The following ANKRD6 variants were observed in gnomAD, a reference collection of about 807,000 sequenced individuals.
ANKRD6 encodes ankyrin repeat domain-containing protein 6.
ANKRD6 carries 56 observed loss-of-function variants against 82.3 expected under a neutral mutation model. That is an observed-to-expected ratio of 0.68 (90% CI 0.55 to 0.85). ANKRD6 has a LOEUF of 0.85. Ranked by LOEUF, ANKRD6 falls within the 40% of genes least tolerant of loss-of-function variation. The pLI, the probability that ANKRD6 is intolerant of heterozygous loss-of-function variation, is 0.00. For missense variants in ANKRD6, 852 were observed against 907.6 expected (o/e 0.94, Z 0.79); for synonymous variants, 347 against 352.1 (o/e 0.99, Z 0.16).
chr6:89,466,537 C>G (rs1774870092), intron 1 of ANKRD6, among the ~76,000 whole-genome samples: 1 of 152,022 alleles, frequency 6.6e-6, no homozygotes, highest in African/African-American at 2.4e-5. Flanking sequence ...TCATTTTATT[C>G]TTCTTTGATT....
Position 89,605,951 on chromosome 6 carries a change from A to C in ANKRD6, c.319-56A>C, listed in dbSNP as rs1042404141. 3.1e-6 allele frequency: 4 copies of C among 1,308,676 alleles called. No individual in the cohort carries two copies. In the African/African-American group the frequency reaches 5.8e-5, roughly 19 times the overall value. 81.1% of individuals were successfully genotyped at this position (1,308,676 alleles called of 1,614,324 possible). A position where few individuals can be genotyped will look rare whatever the true frequency, so the allele number is the denominator to read the frequency against. ...AATCCACTGTGATGTATTGATCATAATGAGAAGAATTAGGTCTTGGGTAAT... is the reference window on the plus strand; with the variant it reads ...AATCCACTGTGATGTATTGATCATACTGAGAAGAATTAGGTCTTGGGTAAT... On this transcript the variant is annotated intron_variant, in intron 4 of 15. Coordinates refer to ENST00000339746, the MANE Select transcript of ANKRD6 (RefSeq NM_001242809.2).
At chr6:89,582,836 C>A (rs1792871641) in intron 2 of ANKRD6, among the ~76,000 whole-genome samples, 1 of 152,192 alleles carries the variant, frequency 6.6e-6, no homozygotes, top group African/African-American at 2.4e-5. Flanking sequence ...GCACTTACCT[C>A]AAGGATATGT....
chr6:89,492,480 T>C (rs944739280), intron 1 of ANKRD6, among the ~76,000 whole-genome samples: 1 of 152,190 alleles, frequency 6.6e-6, no homozygotes, highest in African/African-American at 2.4e-5. Context: ...GGGAGAGTAA[T>C]GCTCCCTGAT....
rs775897746 is a variant in ANKRD6 at position 89,606,074 on chromosome 6, A to C, written c.386A>C (p.Lys129Thr). ...AGCCAGTCAGCCAAGCTGCTCATTAAAGCAGGAGCCAACGTGCTTGCCAAG... is the reference window on the plus strand; with the variant it reads ...AGCCAGTCAGCCAAGCTGCTCATTACAGCAGGAGCCAACGTGCTTGCCAAG... Reference protein sequence around the residue: ...GFSQSAKLLIKAGANVLAKNK... With the variant: ...GFSQSAKLLITAGANVLAKNK... Residue 129 changes from lysine to threonine, a missense_variant, in exon 5 of 16, where the codon AAA becomes ACA. Transcript: ENST00000339746. The C allele has an allele frequency of 6.3e-7, 1 of 1,584,264 alleles. No homozygotes were observed. The highest frequency in any genetic ancestry group is 1.2e-5 in the South Asian group (1 of 85,854).
chr6:89,608,378 A>ACACACACACACACAC (rs1799366440), intron 5 of ANKRD6, among the ~76,000 whole-genome samples: 2 of 103,102 alleles, frequency 1.9e-5, no homozygotes, highest in Non-Finnish European at 4.0e-5. Flanking sequence ...CTATATATAT[A>ACACACACACACACAC]TATATATGTA....
intron 1 of ANKRD6, among the ~76,000 whole-genome samples, chr6:89,444,983 A>G (rs913328439): frequency 2.1e-4 from 32 of 152,080 alleles, no homozygotes; most frequent in African/African-American, 7.2e-4. Context: ...AAAAAAATCT[A>G]TGTAAGACTA....
intron 14 of ANKRD6, 197 bp from the exon 15 acceptor site, chr6:89,628,915 A>T: frequency 1.7e-6 from 1 of 592,668 alleles, no homozygotes. Flanking sequence ...TGGGGATCAA[A>T]TTTCAACATG....
rs372091932 is a variant in ANKRD6 at position 89,455,632 on chromosome 6, G to A, written c.-144+22257G>A. 5.0e-4 allele frequency among the ~76,000 whole-genome samples: 76 copies of A among 152,190 alleles called. No individual in the cohort carries two copies. The South Asian group carries it at 0.01, about 20-fold the overall frequency. ...TCCTCTTGGTGCTGTTTTCATGATA[G>A]TGAATGAGTTATCACAAGATCTTGT... On this transcript the variant is annotated intron_variant, in intron 1 of 15. Transcript: ENST00000339746.
rs949381449 is a variant in ANKRD6, at chr6:89,633,820, A to C, written c.*2816A>C. 5.9e-5 allele frequency: 9 copies of C among 152,250 alleles called. No individual in the cohort carries two copies. Among genetic ancestry groups the C allele is most frequent in the Admixed American group, 4.6e-4 (7 of 15,290 alleles). 9.4% of individuals were successfully genotyped at this position (152,250 alleles called of 1,614,324 possible). On this transcript the variant is annotated 3_prime_UTR_variant, in exon 16 of 16. Coordinates refer to ENST00000339746, the MANE Select transcript of ANKRD6 (RefSeq NM_001242809.2). ...TGGATCTTAAATTCCTTATTAAAAAAATGCAAGTGTGAATACTTTGTTTAG... is the reference window on the plus strand; with the variant it reads ...TGGATCTTAAATTCCTTATTAAAAACATGCAAGTGTGAATACTTTGTTTAG...
intron 4 of ANKRD6, among the ~76,000 whole-genome samples, chr6:89,605,378 T>C (rs1242026006): frequency 6.6e-6 from 1 of 152,226 alleles, no homozygotes; most frequent in Non-Finnish European, 1.5e-5. Flanking sequence ...CAAGACTGTC[T>C]CAAAAAATAA....
intron 2 of ANKRD6, among the ~76,000 whole-genome samples, chr6:89,586,113 A>G (rs1256523756): frequency 6.6e-6 from 1 of 152,214 alleles, no homozygotes; most frequent in Non-Finnish European, 1.5e-5. Flanking sequence ...GATTTTTAAA[A>G]TTCTTTATAA....
At chr6:89,512,292 A>C (rs567203039) in intron 1 of ANKRD6, among the ~76,000 whole-genome samples, 1 of 152,322 alleles carries the variant, frequency 6.6e-6, no homozygotes, top group South Asian at 2.1e-4. Context: ...AACGCCAGTC[A>C]ATGCTATATT....
intron 7 of ANKRD6, among the ~76,000 whole-genome samples, chr6:89,614,505 G>T (rs1278045827): frequency 6.6e-6 from 1 of 152,086 alleles, no homozygotes; most frequent in Non-Finnish European, 1.5e-5. Flanking sequence ...AATTAGCCAG[G>T]CGTGGTGGCG....
chr6:89,629,324 T>C (rs747980511), intron 15 of ANKRD6, 86 bp downstream of exon 15: 3 of 1,569,918 alleles, frequency 1.9e-6, no homozygotes. Context: ...GCAGTACGTA[T>C]GCTAGGGCTG....
intron 2 of ANKRD6, among the ~76,000 whole-genome samples, chr6:89,575,316 T>C: frequency 6.6e-6 from 1 of 152,182 alleles, no homozygotes; most frequent in East Asian, 1.9e-4. Context: ...AGAGGGATTC[T>C]AGTTTCTATG....
At chr6:89,550,198 C>A (rs1475979230) in intron 1 of ANKRD6, among the ~76,000 whole-genome samples, 2 of 152,020 alleles carry the variant, frequency 1.3e-5, no homozygotes, top group African/African-American at 2.4e-5. Context: ...ATATATGTGT[C>A]TGTATATTCA....
intron 1 of ANKRD6, among the ~76,000 whole-genome samples, chr6:89,501,208 GATTA>G (rs1184451132): frequency 2.0e-5 from 3 of 152,136 alleles, no homozygotes; most frequent in Admixed American, 2.0e-4. Flanking sequence ...AAGACTTAAC[GATTA>G]ATTGTTTTCC....
intron 1 of ANKRD6, among the ~76,000 whole-genome samples, chr6:89,513,320 CCACCCA>C (rs1306127852): frequency 2.0e-5 from 3 of 152,172 alleles, no homozygotes; most frequent in African/African-American, 7.2e-5. Flanking sequence ...CACGTAACTA[CCACCCA>C]AATCAGGAAA....
intron 1 of ANKRD6, among the ~76,000 whole-genome samples, chr6:89,537,981 A>G (rs1784052837): frequency 6.6e-6 from 1 of 152,110 alleles, no homozygotes; most frequent in Non-Finnish European, 1.5e-5. Context: ...GGCAAATCCC[A>G]GACAGCATGT....
Sources: gnomAD v4.1 joint callset for allele counts (sites outside exome capture counted in the v4.1 genomes callset) on GRCh38, gnomAD v4.1.1 for gene constraint, MANE v1.5 for transcripts, NCBI Gene and HGNC (gene_info 2026-07-23, HGNC 2026-07-21) for gene names.